CHD2: variants seen among roughly 807,000 people sequenced by gnomAD.
CHD2 encodes the protein ATP-dependent chromatin remodeler CHD2.
CHD2 carries 28 observed loss-of-function variants against 243.9 expected under a neutral mutation model. The observed-to-expected ratio is 0.11, with a 90% confidence interval of 0.09 to 0.16. CHD2 has a LOEUF of 0.16. Ranked by LOEUF, CHD2 falls within the 10% of genes least tolerant of loss-of-function variation. CHD2 has a pLI of 1.00. For missense variants in CHD2, 1,386 were observed against 2,209.8 expected (o/e 0.63, Z 7.47); for synonymous variants, 775 against 779.0 (o/e 0.99, Z 0.09).
At chr15:92,957,134 C>G (rs1212322005) in intron 16 of CHD2, among the ~76,000 whole-genome samples, 1 of 152,164 alleles carries the variant, frequency 6.6e-6, no homozygotes, top group Non-Finnish European at 1.5e-5. Context: ...TTAAAATTAT[C>G]CAATGGTATT....
At chr15:93,004,594 T>G (rs2054297087) in intron 33 of CHD2, 23 bp from the exon 34 acceptor site, 1 of 1,600,340 alleles carries the variant, frequency 6.2e-7, no homozygotes, top group Non-Finnish European at 8.5e-7. Flanking sequence ...TGACAATGAC[T>G]CCTTGTAACT....
At chr15:93,011,584 G>A (rs1408906430) in intron 35 of CHD2, among the ~76,000 whole-genome samples, 1 of 152,176 alleles carries the variant, frequency 6.6e-6, no homozygotes, top group African/African-American at 2.4e-5. Context: ...CTGTACAGGT[G>A]GTCCTGTCAG....
chr15:92,934,805 A>G (rs2053236289), intron 5 of CHD2, among the ~76,000 whole-genome samples: 1 of 152,216 alleles, frequency 6.6e-6, no homozygotes, highest in East Asian at 1.9e-4. Flanking sequence ...ATACATACAC[A>G]CACACTTAGG....
intron 12 of CHD2, among the ~76,000 whole-genome samples, chr15:92,948,371 T>TATA (rs569154597): frequency 7.7e-4 from 117 of 152,282 alleles, no homozygotes; most frequent in African/African-American, 2.7e-3. Flanking sequence ...CTGACTGCCA[T>TATA]ATAATAGACA....
chr15:92,941,844 G>A lies in CHD2; in HGVS notation c.715G>A (p.Glu239Lys). 1 of 1,613,378 alleles carries A rather than the reference G, an allele frequency of 6.2e-7. No individual in the cohort carries two copies. Among genetic ancestry groups the A allele is most frequent in the Non-Finnish European group, 8.5e-7 (1 of 1,179,664 alleles). Residue 239 changes from glutamate (E) to lysine (K), a missense_variant, in exon 8 of 39, where the codon GAG becomes AAG. Physicochemically the swap from Glu to Lys is moderately conservative, Grantham distance 56. Coordinates refer to ENST00000394196, the MANE Select transcript of CHD2 (RefSeq NM_001271.4). ...NVSYKEDDDF[E>K]TDSDDLIEMT... ...CAGTTACAAAGAAGATGATGACTTT[G>A]AGACTGACTCAGATGATCTCATTGA...
Position 92,902,416 on chromosome 15 carries a change from C to T in CHD2, c.62+1117C>T, listed in dbSNP as rs1325921335. 29 of 371,670 alleles carry T rather than the reference C, an allele frequency of 7.8e-5. No homozygotes were observed. The East Asian group carries it at 1.1e-3, about 14-fold the overall frequency. 23.0% of individuals were successfully genotyped at this position (371,670 alleles called of 1,614,324 possible). ...CATGCAGTTTAACAAGGATGTGATTCATTATGTGGTTTTCCTTCCCAATTT... is the reference window on the plus strand; with the variant it reads ...CATGCAGTTTAACAAGGATGTGATTTATTATGTGGTTTTCCTTCCCAATTT... On this transcript the variant is annotated intron_variant, in intron 2 of 38. Coordinates refer to ENST00000394196, the MANE Select transcript of CHD2 (RefSeq NM_001271.4).
At chr15:92,962,923 A>G (rs1320537476) in intron 16 of CHD2, among the ~76,000 whole-genome samples, 1 of 152,006 alleles carries the variant, frequency 6.6e-6, no homozygotes, top group Non-Finnish European at 1.5e-5. Flanking sequence ...TGTTTTGTAA[A>G]TCCATTTTGT....
intron 2 of CHD2, among the ~76,000 whole-genome samples, chr15:92,906,062 C>T (rs1300384422): frequency 1.3e-5 from 2 of 152,120 alleles, no homozygotes; most frequent in Non-Finnish European, 2.9e-5. Context: ...AACCTAAATA[C>T]CATTATGAGT....
At chr15:92,962,587 G>A (rs2053704969) in intron 16 of CHD2, among the ~76,000 whole-genome samples, 2 of 152,090 alleles carry the variant, frequency 1.3e-5, no homozygotes, top group Non-Finnish European at 1.5e-5. Context: ...GAGACTGTCC[G>A]ATAAGTGCTT....
At chr15:92,957,674 T>G (rs1477104280) in intron 16 of CHD2, among the ~76,000 whole-genome samples, 1 of 152,008 alleles carries the variant, frequency 6.6e-6, no homozygotes, top group Non-Finnish European at 1.5e-5. Context: ...AATTCAGGAT[T>G]AAATTTTATT....
intron 19 of CHD2, among the ~76,000 whole-genome samples, chr15:92,972,998 TA>T (rs577352971): frequency 6.6e-6 from 1 of 151,890 alleles, no homozygotes; most frequent in African/African-American, 2.4e-5. Flanking sequence ...CGGGGCAAGA[TA>T]AAAAAAGGAT....
chr15:92,930,254 T>C (rs1265921463), intron 5 of CHD2, among the ~76,000 whole-genome samples: 1 of 152,208 alleles, frequency 6.6e-6, no homozygotes, highest in Non-Finnish European at 1.5e-5. Flanking sequence ...TAATCATTAC[T>C]TCACCATCTG....
intron 5 of CHD2, among the ~76,000 whole-genome samples, chr15:92,936,650 G>C (rs1307434997): frequency 6.6e-6 from 1 of 151,920 alleles, no homozygotes; most frequent in Non-Finnish European, 1.5e-5. Context: ...TATATGATAG[G>C]TTTATTGTTG....
chr15:92,975,322 C>CTCAAATAT (rs1361542374), intron 20 of CHD2, among the ~76,000 whole-genome samples: 8 of 152,232 alleles, frequency 5.3e-5, no homozygotes, highest in Middle Eastern at 3.4e-3. Flanking sequence ...ATATATTTGC[C>CTCAAATAT]ATGTCTCAAA....
chr15:92,957,981 A>T (rs2053637905), intron 16 of CHD2, among the ~76,000 whole-genome samples: 1 of 152,080 alleles, frequency 6.6e-6, no homozygotes, highest in Non-Finnish European at 1.5e-5. Flanking sequence ...TTCATGTCAG[A>T]GTCTGTCAGT....
chr15:92,904,529 G>A, intron 2 of CHD2: 1 of 997,728 alleles, frequency 1.0e-6, no homozygotes, highest in South Asian at 4.3e-5. Context: ...CTTTCCGGTG[G>A]GCGGCTTCTT....
chr15:93,004,367 A>C, intron 33 of CHD2: 1 of 335,612 alleles, frequency 3.0e-6, no homozygotes, highest in Non-Finnish European at 5.4e-6. Context: ...TAAGAAGCCC[A>C]AAAATAGCAC....
At chr15:92,928,086 ACTT>A (rs1385249389) in intron 4 of CHD2, among the ~76,000 whole-genome samples, 1 of 152,212 alleles carries the variant, frequency 6.6e-6, no homozygotes, top group Admixed American at 6.5e-5. Flanking sequence ...TATATAACGT[ACTT>A]CTGATGAAAG....
At chr15:92,917,581 GAAAA>G (rs1004330159) in intron 2 of CHD2, among the ~76,000 whole-genome samples, 1 of 151,510 alleles carries the variant, frequency 6.6e-6, no homozygotes, top group Non-Finnish European at 1.5e-5. Flanking sequence ...CAAGCAAAAA[GAAAA>G]AAAAGGTGTG....
Sources: gnomAD v4.1 joint callset for allele counts (sites outside exome capture counted in the v4.1 genomes callset) on GRCh38, gnomAD v4.1.1 for gene constraint, MANE v1.5 for transcripts, NCBI Gene and HGNC (gene_info 2026-07-23, HGNC 2026-07-21) for gene names.